Variants in PIK3CA observed in about 807,000 individuals in gnomAD.
PIK3CA encodes phosphatidylinositol-4,5-bisphosphate 3-kinase catalytic subunit alpha.
A neutral mutation model predicts 138.2 loss-of-function variants in PIK3CA; 27 were observed. That is an observed-to-expected ratio of 0.20 (90% CI 0.14 to 0.27). The LOEUF is 0.27. Among genes scored for constraint, PIK3CA ranks in the 10% least tolerant of loss-of-function variants. The pLI, the probability that PIK3CA is intolerant of heterozygous loss-of-function variation, is 1.00. For synonymous variants in PIK3CA, 358 were observed against 413.2 expected (o/e 0.87, Z 1.62); for missense variants, 544 against 1,277.4 (o/e 0.43, Z 8.75).
In PIK3CA at chr3:179,212,470, G is replaced by A. The variant is rs139059688; in HGVS notation, c.1539+1905G>A. ...CTAAAAATACCAAAATTAGCCAGGC[G>A]TTGTTGTACATGCCTGTTAGCTACT... On this transcript the variant is annotated intron_variant, in intron 9 of 20. Coordinates refer to ENST00000263967, the MANE Select transcript of PIK3CA (RefSeq NM_006218.4). Among the ~76,000 whole-genome samples, 219 of 151,770 alleles carry A rather than the reference G, an allele frequency of 1.4e-3. 1 individual carries two copies. Among genetic ancestry groups the A allele is most frequent in the African/African-American group, 4.7e-3 (197 of 41,514 alleles).
intron 1 of PIK3CA, among the ~76,000 whole-genome samples, chr3:179,175,804 C>T (rs1723683204): frequency 6.6e-6 from 1 of 151,450 alleles, no homozygotes; most frequent in Non-Finnish European, 1.5e-5. Flanking sequence ...TGACATTTTC[C>T]TCTGTCCCAT....
Position 179,240,025 on chromosome 3 carries a change from A to G in PIK3CA, c.*5661A>G, listed in dbSNP as rs1367714665. The G allele has an allele frequency of 2.6e-6, 4 of 1,548,192 alleles. No individual in the cohort carries two copies. The highest frequency in any genetic ancestry group is 3.9e-5 in the Admixed American group (2 of 50,822). On this transcript the variant is annotated 3_prime_UTR_variant, in exon 21 of 21. Coordinates refer to ENST00000263967, the MANE Select transcript of PIK3CA (RefSeq NM_006218.4). ...TGTTTATGCTCATCAGAAACTGTCA[A>G]TGTCTGCTTTTCTTTAACTCTGCAG...
At chr3:179,173,078 C>T (rs559227634) in intron 1 of PIK3CA, among the ~76,000 whole-genome samples, 12 of 151,526 alleles carry the variant, frequency 7.9e-5, no homozygotes, top group South Asian at 6.3e-4. Flanking sequence ...ATCTTTTTCC[C>T]GTGATTTAAT....
At chr3:179,209,001 A>T (rs565737995) in intron 6 of PIK3CA, among the ~76,000 whole-genome samples, 7,671 of 128,630 alleles carry the variant, frequency 0.06, 216 homozygotes, top group African/African-American at 0.063. Flanking sequence ...AGAAATAATA[A>T]ATATATATTT....
At chr3:179,217,083 T>C (rs1201900547) in intron 9 of PIK3CA, among the ~76,000 whole-genome samples, 2 of 152,184 alleles carry the variant, frequency 1.3e-5, no homozygotes, top group African/African-American at 4.8e-5. Flanking sequence ...CCCTTGTCTA[T>C]TGCCCATCAG....
chr3:179,163,206 A>G (rs980370939), intron 1 of PIK3CA, among the ~76,000 whole-genome samples: 2 of 152,242 alleles, frequency 1.3e-5, no homozygotes, highest in African/African-American at 4.8e-5. Context: ...CATCTTACAT[A>G]CCAAAATAAA....
intron 14 of PIK3CA, among the ~76,000 whole-genome samples, chr3:179,222,238 A>G (rs75607225): frequency 6.7e-6 from 1 of 148,904 alleles, no homozygotes; most frequent in East Asian, 2.0e-4. Context: ...TACTTGAAGG[A>G]AAAAAAAAAA....
chr3:179,164,688 G>A (rs1280339755), intron 1 of PIK3CA, among the ~76,000 whole-genome samples: 4 of 151,988 alleles, frequency 2.6e-5, no homozygotes, highest in African/African-American at 7.3e-5. Context: ...GACCAACATG[G>A]CAAAACCCCG....
At chr3:179,184,397 A>T (rs1442516304) in intron 1 of PIK3CA, among the ~76,000 whole-genome samples, 2 of 152,184 alleles carry the variant, frequency 1.3e-5, no homozygotes, top group East Asian at 3.8e-4. Context: ...CCATAGCTAC[A>T]GTTTTATGAC....
At chr3:179,224,889 T>C in intron 16 of PIK3CA, 68 bp downstream of exon 16, 1 of 1,149,366 alleles carries the variant, frequency 8.7e-7, no homozygotes, top group Non-Finnish European at 1.3e-6. Flanking sequence ...AGGATATTTA[T>C]GAACCATGAA....
At chr3:179,187,462 CG>C in intron 1 of PIK3CA, among the ~76,000 whole-genome samples, 1 of 135,686 alleles carries the variant, frequency 7.4e-6, no homozygotes, top group South Asian at 2.6e-4. Flanking sequence ...TGCTTGAACC[CG>C]GGAGGTGGAG....
At chr3:179,190,035 A>G (rs921296476) in intron 1 of PIK3CA, among the ~76,000 whole-genome samples, 11 of 152,214 alleles carry the variant, frequency 7.2e-5, no homozygotes, top group African/African-American at 2.7e-4. Context: ...GGCCCAGAAA[A>G]TTGTACTGAA....
intron 1 of PIK3CA, among the ~76,000 whole-genome samples, chr3:179,184,911 T>G (rs1723937509): frequency 1.3e-5 from 2 of 152,294 alleles, no homozygotes; most frequent in South Asian, 4.1e-4. Context: ...AAGTTTTAAT[T>G]TATCTAAATA....
intron 9 of PIK3CA, among the ~76,000 whole-genome samples, chr3:179,217,290 C>G (rs1234985065): frequency 3.3e-5 from 5 of 152,038 alleles, no homozygotes; most frequent in Non-Finnish European, 5.9e-5. Flanking sequence ...ATCAATTTTC[C>G]AATATTTTTA....
chr3:179,205,909 C>G (rs1431712622), intron 6 of PIK3CA, among the ~76,000 whole-genome samples: 1 of 152,030 alleles, frequency 6.6e-6, no homozygotes, highest in Non-Finnish European at 1.5e-5. Flanking sequence ...AGAAAAAGTT[C>G]TGGTCTTGTT....
chr3:179,200,466 C>T (rs888795020), intron 3 of PIK3CA, among the ~76,000 whole-genome samples: 2 of 151,918 alleles, frequency 1.3e-5, no homozygotes, highest in Admixed American at 6.6e-5. Flanking sequence ...CTATATTTTT[C>T]AGGGTAACAG....
At position 179,239,483 on chromosome 3, in the gene PIK3CA, T is replaced by C. The variant is rs746836193; in HGVS notation, c.*5119T>C. 1.3e-4 allele frequency: 26 copies of C among 206,964 alleles called. No individual in the cohort carries two copies. The highest frequency in any genetic ancestry group is 2.1e-4 in the Non-Finnish European group (21 of 101,398). The allele number at this position is 206,964 out of a possible 1,614,324, so 12.8% of individuals were successfully genotyped here. On this transcript the variant is annotated 3_prime_UTR_variant, in exon 21 of 21. Coordinates refer to ENST00000263967, the MANE Select transcript of PIK3CA (RefSeq NM_006218.4). Reference sequence around the variant, plus strand: ...TATTTCATTTTTAAAAGTCCCTTGTTCAATTTAACTTATGTTCCTAAGAGA... The same window carrying C: ...TATTTCATTTTTAAAAGTCCCTTGTCCAATTTAACTTATGTTCCTAAGAGA...
intron 6 of PIK3CA, 58 bp from the exon 7 acceptor site, chr3:179,209,537 A>T: frequency 9.9e-7 from 1 of 1,005,858 alleles, no homozygotes; most frequent in Non-Finnish European, 1.5e-6. Context: ...GGAGTCATTT[A>T]TATACTTTGA....
chr3:179,192,547 T>G (rs1186108478), intron 1 of PIK3CA, among the ~76,000 whole-genome samples: 1 of 152,256 alleles, frequency 6.6e-6, no homozygotes, highest in East Asian at 1.9e-4. Flanking sequence ...TCTTAGCCAC[T>G]GGGCACTTAT....
Sources: allele counts gnomAD v4.1 joint callset (sites outside exome capture counted in the v4.1 genomes callset), GRCh38; gene constraint gnomAD v4.1.1; transcripts MANE v1.5; gene names NCBI Gene and HGNC (gene_info 2026-07-23, HGNC 2026-07-21).